Variants in FEZ1 observed in about 807,000 individuals in gnomAD.
FEZ1 encodes fasciculation and elongation protein zeta-1.
Under a neutral mutation model 49.3 loss-of-function variants are expected in FEZ1, and 20 were observed. The ratio of observed to expected loss-of-function variants is 0.41; its 90% CI spans 0.29 to 0.59. FEZ1 has a LOEUF of 0.59. Among genes scored for constraint, FEZ1 ranks in the 20% least tolerant of loss-of-function variants. The probability of loss-of-function intolerance (pLI) is 0.36; values close to 1 mark genes in which losing one functional copy is unlikely to be tolerated. For synonymous variants in FEZ1, 170 were observed against 180.9 expected (o/e 0.94, Z 0.48); for missense variants, 413 against 476.0 (o/e 0.87, Z 1.23).
At chr11:125,466,259 T>C (rs1009344461) in intron 3 of FEZ1, among the ~76,000 whole-genome samples, 7 of 152,040 alleles carry the variant, frequency 4.6e-5, no homozygotes, top group African/African-American at 4.8e-5. Flanking sequence ...GATGAGAGGA[T>C]TGCTTGAGTC....
intron 2 of FEZ1, 196 bp from the exon 3 acceptor site, chr11:125,481,829 G>A (rs1438037406): frequency 3.4e-6 from 2 of 589,670 alleles, no homozygotes; most frequent in Non-Finnish European, 6.1e-6. Context: ...CATGGAGCTT[G>A]GCCAGGGGCT....
At chr11:125,484,385 C>A (rs1466683261) in intron 2 of FEZ1, among the ~76,000 whole-genome samples, 1 of 152,228 alleles carries the variant, frequency 6.6e-6, no homozygotes, top group Non-Finnish European at 1.5e-5. Context: ...CTACAGAGCC[C>A]ATATTCCTAA....
chr11:125,493,362 A>AGAAAAGAAAGAAAGAAAG (rs1957403663), intron 1 of FEZ1, among the ~76,000 whole-genome samples: 2 of 49,534 alleles, frequency 4.0e-5, no homozygotes. Flanking sequence ...AGAAAGAGAG[A>AGAAAAGAAAGAAAGAAAG]AAAGAAAGAA....
rs1316014829 is a variant in FEZ1, at chr11:125,495,301, G to C, written c.-46+820C>G. 1 of 452,176 alleles carries C rather than the reference G, an allele frequency of 2.2e-6. No individual in the cohort carries two copies. The highest frequency in any genetic ancestry group is 4.6e-6 in the Non-Finnish European group (1 of 215,402). 28.0% of individuals were successfully genotyped at this position (452,176 alleles called of 1,614,324 possible). ...ACTGCCCTTCCGGCCAAACAAGCCCGGACACGGGAGAGGGATGAGAGTCGG... is the reference window on the plus strand; with the variant it reads ...ACTGCCCTTCCGGCCAAACAAGCCCCGACACGGGAGAGGGATGAGAGTCGG... On this transcript the variant is annotated intron_variant, in intron 1 of 9. Transcript: ENST00000278919. This position sits in a 1 kb window ranked among gnomAD's most constrained non-coding sequence, Gnocchi z 4.2.
rs1957461898 is a variant in FEZ1 at position 125,495,806 on chromosome 11, ACACACAC to A, written c.-46+308_-46+314del. The stretch of plus-strand genomic sequence containing the variant: ...CGCGGGCACACACACGCGGACACAC[ACACACAC>A]ACACACACACACACACACACACCAG... On this transcript the variant is annotated intron_variant, in intron 1 of 9. Transcript: ENST00000278919. The surrounding 1 kb of genome is among the most constrained non-coding windows in gnomAD (Gnocchi z 4.2). The A allele has an allele frequency of 8.5e-6, 1 of 118,168 alleles. No homozygotes were observed. Among genetic ancestry groups the A allele is most frequent in the African/African-American group, 7.4e-5 (1 of 13,558 alleles). 7.3% of individuals were successfully genotyped at this position (118,168 alleles called of 1,614,324 possible).
chr11:125,454,171 C>T lies in FEZ1; in HGVS notation c.979G>A (p.Gly327Ser), dbSNP rs775496641. 6.2e-7 allele frequency: 1 copy of T among 1,613,538 alleles called. No individual in the cohort carries two copies. Among genetic ancestry groups the T allele is most frequent in the Non-Finnish European group, 8.5e-7 (1 of 1,179,788 alleles). Reference protein sequence around the residue: ...MEGISNILQSGIRQTFGSSGT... With the variant: ...MEGISNILQSSIRQTFGSSGT... ...GAGGAGCCAAAGGTCTGGCGGATGC[C>T]ACTCTGCAGAATGTTGGAGATGCCT... The change falls in exon 7 of 10, where the codon GGC becomes AGC. Residue 327 changes from glycine (G) to serine (S), a missense_variant. Transcript: ENST00000278919.
rs1459634749 is a variant in FEZ1, at chr11:125,495,319, A to C, written c.-46+802T>G. ...CAAGCCCGGACACGGGAGAGGGATG[A>C]GAGTCGGGGATGCCTAGCGGCGAGG... On this transcript the variant is annotated intron_variant, in intron 1 of 9. Coordinates refer to ENST00000278919, the MANE Select transcript of FEZ1 (RefSeq NM_005103.5). The surrounding 1 kb of genome is among the most constrained non-coding windows in gnomAD (Gnocchi z 4.2). 2.2e-6 allele frequency: 1 copy of C among 463,206 alleles called. No individual in the cohort carries two copies. Among genetic ancestry groups the C allele is most frequent in the South Asian group, 1.6e-5 (1 of 63,860 alleles). 28.7% of individuals were successfully genotyped at this position (463,206 alleles called of 1,614,324 possible).
At chr11:125,488,155 G>A (rs1031964747) in intron 2 of FEZ1, among the ~76,000 whole-genome samples, 5 of 152,178 alleles carry the variant, frequency 3.3e-5, no homozygotes, top group African/African-American at 1.2e-4. Context: ...GTTATCTGCT[G>A]TACAGTACAA....
intron 1 of FEZ1, among the ~76,000 whole-genome samples, chr11:125,491,967 G>T (rs996668848): frequency 2.6e-5 from 4 of 152,178 alleles, no homozygotes; most frequent in African/African-American, 9.7e-5. Context: ...TATAAGGAAG[G>T]TGTTGGTACA....
Position 125,489,530 on chromosome 11 carries a change from T to C in FEZ1, c.248A>G (p.Asn83Ser). 2 of 1,614,126 alleles carry C rather than the reference T, an allele frequency of 1.2e-6. No individual in the cohort carries two copies. The highest frequency in any genetic ancestry group is 1.7e-6 in the Non-Finnish European group (2 of 1,179,994). ...CFRNYNAKTE[N>S]LAPVKNQLQI... ...TAACTGGTTCTTCACGGGAGCTAGG[T>C]TCTCGGTCTTGGCGTTGTAGTTCCG... The change falls in exon 2 of 10, where the codon AAC becomes AGC. Residue 83 changes from asparagine to serine, a missense_variant. Physicochemically the swap from Asn to Ser is conservative, Grantham distance 46. Coordinates refer to ENST00000278919, the MANE Select transcript of FEZ1 (RefSeq NM_005103.5). This position sits in a 1 kb window ranked among gnomAD's most constrained non-coding sequence, Gnocchi z 4.2.
intron 2 of FEZ1, among the ~76,000 whole-genome samples, chr11:125,485,806 C>T (rs534658834): frequency 6.0e-5 from 9 of 150,666 alleles, no homozygotes; most frequent in South Asian, 2.1e-4. Flanking sequence ...ATTAGTCCGG[C>T]GTGGCAGCGT....
chr11:125,453,393 C>T (rs1378578307), intron 7 of FEZ1: 1 of 152,158 alleles, frequency 6.6e-6, no homozygotes, highest in Non-Finnish European at 1.5e-5. Flanking sequence ...ATCTCTTCCC[C>T]TTCTCTAGAC....
intron 3 of FEZ1, among the ~76,000 whole-genome samples, chr11:125,467,036 ATTTT>A (rs11323641): frequency 1.4e-5 from 2 of 144,216 alleles, no homozygotes; most frequent in Admixed American, 6.9e-5. Context: ...ACTGTGTCCC[ATTTT>A]TTTTTTTTTT....
intron 8 of FEZ1, among the ~76,000 whole-genome samples, chr11:125,450,227 AC>A (rs1260177902): frequency 6.6e-6 from 1 of 151,722 alleles, no homozygotes; most frequent in African/African-American, 2.4e-5. Context: ...TGGGGGTTTC[AC>A]CATGTTGGCC....
chr11:125,457,455 TATATACAC>T (rs1490711891), intron 5 of FEZ1, among the ~76,000 whole-genome samples: 2,760 of 80,742 alleles, frequency 0.034, 153 homozygotes, highest in South Asian at 0.048. Context: ...TATATATGTA[TATATACAC>T]ATATATATGT....
At chr11:125,474,574 T>C (rs953533149) in intron 3 of FEZ1, among the ~76,000 whole-genome samples, 3 of 152,214 alleles carry the variant, frequency 2.0e-5, no homozygotes, top group African/African-American at 7.2e-5. Flanking sequence ...ATTCAACAAA[T>C]AATTTTTATC....
intron 6 of FEZ1, 122 bp downstream of exon 6, chr11:125,455,713 T>C (rs759872568): frequency 1.0e-6 from 1 of 969,024 alleles, no homozygotes; most frequent in East Asian, 2.4e-5. Flanking sequence ...TCTGTCACAG[T>C]GTGCTGCTCA....
At chr11:125,459,477 G>A (rs1342025649) in intron 5 of FEZ1, among the ~76,000 whole-genome samples, 3 of 151,624 alleles carry the variant, frequency 2.0e-5, no homozygotes, top group East Asian at 2.0e-4. Flanking sequence ...CTGTAATCCC[G>A]GCTACTCAGG....
chr11:125,453,895 T>C (rs1956980899), intron 7 of FEZ1: 2 of 374,320 alleles, frequency 5.3e-6, no homozygotes, highest in Admixed American at 4.8e-5. Flanking sequence ...TGTTGAGTTT[T>C]AAGTCTTGCC....
Sources: gnomAD v4.1 joint callset for allele counts (sites outside exome capture counted in the v4.1 genomes callset) on GRCh38, gnomAD v4.1.1 for gene constraint, Gnocchi (gnomAD v3.1) non-coding constraint, MANE v1.5 for transcripts, NCBI Gene and HGNC (gene_info 2026-07-23, HGNC 2026-07-21) for gene names.